MARCHF8: variants seen among roughly 807,000 people sequenced by gnomAD.
The protein encoded by MARCHF8 is membrane associated ring-CH-type finger 8.
In MARCHF8, 40 loss-of-function variants were observed where a neutral mutation model predicts 51.6. The ratio of observed to expected loss-of-function variants is 0.77; its 90% CI spans 0.60 to 1.01. MARCHF8 has a LOEUF of 1.01. Among genes scored for constraint, MARCHF8 ranks in the 50% least tolerant of loss-of-function variants. The probability of loss-of-function intolerance (pLI) is 0.00; values close to 1 mark genes in which losing one functional copy is unlikely to be tolerated. For missense variants in MARCHF8, 685 were observed against 708.6 expected (o/e 0.97, Z 0.38); for synonymous variants, 263 against 280.3 (o/e 0.94, Z 0.62).
At chr10:45,512,675 T>C (rs1426381904) in intron 2 of MARCHF8, among the ~76,000 whole-genome samples, 2 of 150,910 alleles carry the variant, frequency 1.3e-5, no homozygotes, top group Non-Finnish European at 3.0e-5. Flanking sequence ...CCGTCCCTAC[T>C]GGGATGTGAG....
intron 2 of MARCHF8, among the ~76,000 whole-genome samples, chr10:45,525,398 A>T (rs1204190167): frequency 6.6e-6 from 1 of 152,224 alleles, no homozygotes; most frequent in Non-Finnish European, 1.5e-5. Flanking sequence ...GAATCCTGGG[A>T]TACAGATCAT....
chr10:45,541,774 A>T (rs1478314328), intron 1 of MARCHF8, among the ~76,000 whole-genome samples: 1 of 152,200 alleles, frequency 6.6e-6, no homozygotes, highest in Non-Finnish European at 1.5e-5. Flanking sequence ...TGGGTAAGAA[A>T]AGGAAGTCAA....
chr10:45,522,315 A>G (rs2043720393), intron 2 of MARCHF8, among the ~76,000 whole-genome samples: 1 of 152,218 alleles, frequency 6.6e-6, no homozygotes, highest in Non-Finnish European at 1.5e-5. Context: ...GAGTGGACAC[A>G]CTGTGGGAGT....
At chr10:45,501,527 T>C (rs1485802614) in intron 2 of MARCHF8, among the ~76,000 whole-genome samples, 7 of 152,132 alleles carry the variant, frequency 4.6e-5, no homozygotes, top group Non-Finnish European at 1.0e-4. Flanking sequence ...TCATGTATAA[T>C]CTAAAACCAT....
upstream of MARCHF8, among the ~76,000 whole-genome samples, chr10:45,540,275 G>A (rs1159819567): frequency 6.6e-6 from 1 of 152,162 alleles, no homozygotes; most frequent in African/African-American, 2.4e-5. Flanking sequence ...AAAGCTGGAG[G>A]CATCACACTA....
At chr10:45,497,851 T>C (rs894080544) in intron 2 of MARCHF8, among the ~76,000 whole-genome samples, 2 of 152,144 alleles carry the variant, frequency 1.3e-5, no homozygotes, top group African/African-American at 2.4e-5. Flanking sequence ...GAAAACGCAG[T>C]CATATGTAAG....
intron 2 of MARCHF8, among the ~76,000 whole-genome samples, chr10:45,528,457 GGTTT>G (rs34036539): frequency 0.062 from 9,365 of 152,106 alleles, 326 homozygotes; most frequent in Non-Finnish European, 0.066. Context: ...GTTTAGTTGG[GGTTT>G]GTTTCTTTGT....
chr10:45,490,148 T>G (rs975006762), intron 2 of MARCHF8, among the ~76,000 whole-genome samples: 1 of 152,254 alleles, frequency 6.6e-6, no homozygotes, highest in African/African-American at 2.4e-5. Flanking sequence ...CCTGGCCTTT[T>G]TGCCTTTAGG....
intron 2 of MARCHF8, among the ~76,000 whole-genome samples, chr10:45,516,581 C>T (rs1291009816): frequency 1.3e-5 from 2 of 152,150 alleles, no homozygotes; most frequent in Non-Finnish European, 2.9e-5. Flanking sequence ...CTGGACAATA[C>T]AGCGAAACCC....
chr10:45,554,424 T>C (rs1238651632), intron 1 of MARCHF8, among the ~76,000 whole-genome samples: 3 of 152,210 alleles, frequency 2.0e-5, no homozygotes, highest in African/African-American at 7.2e-5. Flanking sequence ...AATCTGTAGT[T>C]TCCAGACTGT....
intron 2 of MARCHF8, among the ~76,000 whole-genome samples, chr10:45,504,901 A>C (rs2043352336): frequency 1.3e-5 from 2 of 152,154 alleles, no homozygotes; most frequent in Admixed American, 6.5e-5. Flanking sequence ...GCTTATACTG[A>C]GTGGCCAGAG....
intron 1 of MARCHF8, among the ~76,000 whole-genome samples, chr10:45,558,884 C>T (rs2044280550): frequency 6.6e-6 from 1 of 152,064 alleles, no homozygotes; most frequent in Non-Finnish European, 1.5e-5. Flanking sequence ...TAGAACAGAA[C>T]ACATTGAGGC....
chr10:45,532,265 C>G (rs1437709366), intron 2 of MARCHF8, among the ~76,000 whole-genome samples: 1 of 152,232 alleles, frequency 6.6e-6, no homozygotes, highest in East Asian at 1.9e-4. Context: ...TAACCACCTA[C>G]AGTAAACCTG....
chr10:45,585,743 C>A (rs1173166655), intron 1 of MARCHF8, among the ~76,000 whole-genome samples: 4 of 152,010 alleles, frequency 2.6e-5, no homozygotes, highest in Non-Finnish European at 5.9e-5. Flanking sequence ...ATTGTAATAT[C>A]TATTCAATAT....
At chr10:45,489,118 T>TA (rs1304185427) in intron 3 of MARCHF8, among the ~76,000 whole-genome samples, 1 of 152,190 alleles carries the variant, frequency 6.6e-6, no homozygotes, top group African/African-American at 2.4e-5. Flanking sequence ...TCTTCTGCCT[T>TA]AAAGTATATG....
Position 45,578,773 on chromosome 10 carries a change from G to A in MARCHF8, c.-79+15462C>T, listed in dbSNP as rs192779440. Reference sequence around the variant, plus strand: ...TGAGAAAAATAAAAATCACTTTTTTGTTATCCTTGCATAAAATGCATGAAC... The same window carrying A: ...TGAGAAAAATAAAAATCACTTTTTTATTATCCTTGCATAAAATGCATGAAC... On this transcript the variant is annotated intron_variant, in intron 1 of 6. Transcript: ENST00000319836. Among the ~76,000 whole-genome samples the A allele has an allele frequency of 2.0e-5, 3 of 152,230 alleles. No individual in the cohort carries two copies. The East Asian group carries it at 5.8e-4, about 29-fold the overall frequency.
Position 45,590,851 on chromosome 10 carries a change from C to G in MARCHF8, c.-79+3384G>C, listed in dbSNP as rs868625933. Among the ~76,000 whole-genome samples, 4 of 152,330 alleles carry G rather than the reference C, an allele frequency of 2.6e-5. No individual in the cohort carries two copies. The Middle Eastern group carries it at 0.01, about 389-fold the overall frequency. ...CTGTCAGGCCTGAGCCCAAGCTAAG[C>G]CAACATATCCCCTGTGACCTGCACT... is the stretch of plus-strand genomic sequence containing the variant. On this transcript the variant is annotated intron_variant, in intron 1 of 6. Transcript: ENST00000319836.
chr10:45,585,256 T>C (rs1243413192), intron 1 of MARCHF8, among the ~76,000 whole-genome samples: 1 of 151,986 alleles, frequency 6.6e-6, no homozygotes, highest in Non-Finnish European at 1.5e-5. Context: ...AAAGAGAAAC[T>C]CTTGCCCAAG....
At chr10:45,588,980 C>G (rs1316022756) in intron 1 of MARCHF8, among the ~76,000 whole-genome samples, 1 of 106,438 alleles carries the variant, frequency 9.4e-6, no homozygotes, top group African/African-American at 3.9e-5. Context: ...GCCTGGGTGA[C>G]AGAGCAAGAC....
Sources: gnomAD v4.1 joint callset for allele counts (sites outside exome capture counted in the v4.1 genomes callset) on GRCh38, gnomAD v4.1.1 for gene constraint, MANE v1.5 for transcripts, NCBI Gene and HGNC (gene_info 2026-07-23, HGNC 2026-07-21) for gene names.